Variants in CPEB3 observed in about 807,000 individuals in gnomAD.
The protein encoded by CPEB3 is cytoplasmic polyadenylation element-binding protein 3.
In CPEB3, 20 loss-of-function variants were observed where a neutral mutation model predicts 67.2. The ratio of observed to expected loss-of-function variants is 0.30; its 90% CI spans 0.21 to 0.43. CPEB3 has a LOEUF of 0.43. CPEB3 is among the 20% of genes least tolerant of loss of function. CPEB3 has a pLI of 1.00. For missense variants in CPEB3, 746 were observed against 968.6 expected (o/e 0.77, Z 3.05); for synonymous variants, 376 against 393.1 (o/e 0.96, Z 0.51).
intron 4 of CPEB3, among the ~76,000 whole-genome samples, chr10:92,148,002 A>C (rs2133864080): frequency 6.6e-6 from 1 of 152,212 alleles, no homozygotes; most frequent in African/African-American, 2.4e-5. Context: ...AATCCTGCCA[A>C]TTCAAGCAGA....
At chr10:92,222,795 C>T (rs1410581097) in intron 2 of CPEB3, among the ~76,000 whole-genome samples, 9 of 152,172 alleles carry the variant, frequency 5.9e-5, no homozygotes, top group African/African-American at 2.2e-4. Context: ...CCTCAAAGCT[C>T]ATCAACCTAT....
At chr10:92,072,231 TTGAC>T (rs1448989645) in intron 9 of CPEB3, among the ~76,000 whole-genome samples, 4 of 152,250 alleles carry the variant, frequency 2.6e-5, no homozygotes, top group African/African-American at 9.6e-5. Flanking sequence ...CATGCATGTC[TTGAC>T]TAACATCCAA....
At chr10:92,143,164 C>T in intron 5 of CPEB3, 46 bp from the exon 6 acceptor site, 2 of 1,450,422 alleles carry the variant, frequency 1.4e-6, no homozygotes, top group Non-Finnish European at 1.9e-6. Flanking sequence ...AAAAATATTG[C>T]AATCAGAAAA....
At chr10:92,089,676 G>C (rs565543201) in intron 8 of CPEB3, among the ~76,000 whole-genome samples, 1 of 152,020 alleles carries the variant, frequency 6.6e-6, no homozygotes, top group Non-Finnish European at 1.5e-5. Flanking sequence ...CCAACTACTC[G>C]TGAAGCTGAG....
chr10:92,217,592 T>C (rs551585159), intron 2 of CPEB3, among the ~76,000 whole-genome samples: 174 of 151,326 alleles, frequency 1.1e-3, no homozygotes, highest in Admixed American at 2.0e-3. Flanking sequence ...AGGAACCCCG[T>C]CTCTACTAAA....
chr10:92,264,085 T>C (rs374479152), intron 1 of CPEB3, among the ~76,000 whole-genome samples: 1 of 152,108 alleles, frequency 6.6e-6, no homozygotes, highest in African/African-American at 2.4e-5. Flanking sequence ...TCCCAGCACT[T>C]TGGGATGCCG....
At position 92,239,301 on chromosome 10, in the gene CPEB3, G is replaced by C; in HGVS notation, c.1005+45C>G. ...TTAAAAGTCAGAGAAGTGGCAAAAG[G>C]AGCGGGGCAGAGGGAAGGAGTGTGT... On this transcript the variant is annotated intron_variant, in intron 2 of 9. Coordinates refer to ENST00000265997, the MANE Select transcript of CPEB3 (RefSeq NM_014912.5). The surrounding 1 kb of genome is among the most constrained non-coding windows in gnomAD (Gnocchi z 6.0). 2.5e-6 allele frequency: 4 copies of C among 1,571,332 alleles called. No individual in the cohort carries two copies. The highest frequency in any genetic ancestry group is 3.5e-6 in the Non-Finnish European group (4 of 1,156,126).
At chr10:92,233,990 C>T (rs1434050808) in intron 2 of CPEB3, among the ~76,000 whole-genome samples, 1 of 151,674 alleles carries the variant, frequency 6.6e-6, no homozygotes, top group South Asian at 2.1e-4. Flanking sequence ...GCCTGTAGTC[C>T]CAGCTACTTG....
intron 7 of CPEB3, among the ~76,000 whole-genome samples, chr10:92,099,163 T>C (rs569755258): frequency 2.6e-5 from 4 of 151,506 alleles, no homozygotes; most frequent in Admixed American, 2.6e-4. Context: ...AGGTCATTAA[T>C]AGGGATACGA....
intron 2 of CPEB3, among the ~76,000 whole-genome samples, chr10:92,235,748 T>C (rs534524059): frequency 3.8e-4 from 58 of 152,334 alleles, no homozygotes; most frequent in African/African-American, 1.4e-3. Flanking sequence ...CAAAGCTTGC[T>C]TATGACAGAA....
intron 1 of CPEB3, among the ~76,000 whole-genome samples, chr10:92,277,041 G>T (rs1661511058): frequency 6.6e-6 from 1 of 151,956 alleles, no homozygotes; most frequent in Non-Finnish European, 1.5e-5. Flanking sequence ...GAGTTGAAGA[G>T]ATTTTTTTAT....
intron 1 of CPEB3, among the ~76,000 whole-genome samples, chr10:92,277,848 G>A (rs752169519): frequency 4.0e-5 from 6 of 151,826 alleles, no homozygotes; most frequent in Non-Finnish European, 5.9e-5. Flanking sequence ...TTGAGATCGC[G>A]CCACTGTACT....
chr10:92,291,191 C>T (rs1382306142), upstream of CPEB3: 4 of 502,266 alleles, frequency 8.0e-6, no homozygotes, highest in Admixed American at 8.2e-5. Context: ...GCTCCTCCGC[C>T]GGCAGCAACT....
chr10:92,200,809 T>C (rs938851727), intron 2 of CPEB3, among the ~76,000 whole-genome samples: 8 of 152,254 alleles, frequency 5.3e-5, no homozygotes, highest in African/African-American at 1.7e-4. Context: ...AGTCTTTTCA[T>C]GTTCTCCCTA....
chr10:92,125,727 T>C (rs1845583621), intron 6 of CPEB3, among the ~76,000 whole-genome samples: 2 of 151,506 alleles, frequency 1.3e-5, no homozygotes, highest in Admixed American at 1.3e-4. Flanking sequence ...AAACAGACTT[T>C]TTTTTTTTTT....
At chr10:92,132,482 T>C (rs1163460269) in intron 6 of CPEB3, among the ~76,000 whole-genome samples, 1 of 152,122 alleles carries the variant, frequency 6.6e-6, no homozygotes, top group Non-Finnish European at 1.5e-5. Context: ...GAAAAATCTT[T>C]TAAGGCATGT....
intron 6 of CPEB3, chr10:92,137,826 A>G (rs546999956): frequency 1.0e-4 from 19 of 188,824 alleles, no homozygotes; most frequent in East Asian, 1.5e-4. Context: ...GTGAAACCCC[A>G]TCTCTACTAA....
chr10:92,090,978 A>T (rs190841735), intron 8 of CPEB3, among the ~76,000 whole-genome samples: 2 of 152,244 alleles, frequency 1.3e-5, no homozygotes, highest in Non-Finnish European at 2.9e-5. Context: ...GTTATCTTTT[A>T]GGTGTAGGCT....
intron 9 of CPEB3, among the ~76,000 whole-genome samples, chr10:92,070,565 T>G (rs1475150824): frequency 2.0e-5 from 3 of 151,954 alleles, no homozygotes; most frequent in Non-Finnish European, 4.4e-5. Flanking sequence ...TTACCTGGGA[T>G]CAGGAGTTCA....
Sources: allele counts gnomAD v4.1 joint callset (sites outside exome capture counted in the v4.1 genomes callset), GRCh38; gene constraint gnomAD v4.1.1; non-coding constraint Gnocchi (gnomAD v3.1); transcripts MANE v1.5; gene names NCBI Gene and HGNC (gene_info 2026-07-23, HGNC 2026-07-21).